The following TRANK1 variants were observed in gnomAD, a reference collection of about 807,000 sequenced individuals.
TRANK1 encodes the protein tetratricopeptide repeat and ankyrin repeat containing 1, also known as TPR and ankyrin repeat-containing protein 1.
In TRANK1, 198 loss-of-function variants were observed where a neutral mutation model predicts 266.0. The observed-to-expected ratio is 0.74, with a 90% confidence interval of 0.66 to 0.84. The LOEUF is 0.84. Ranked by LOEUF, TRANK1 falls within the 40% of genes least tolerant of loss-of-function variation. The pLI, the probability that TRANK1 is intolerant of heterozygous loss-of-function variation, is 0.00. For synonymous variants in TRANK1, 1,396 were observed against 1,384.1 expected, an observed-to-expected ratio of 1.01 and a Z score of -0.19; for missense variants, 3,326 against 3,634.6, an observed-to-expected ratio of 0.92 and a Z score of 2.18.
At chr3:36,864,911 C>G (rs2079192538) in intron 9 of TRANK1, among the ~76,000 whole-genome samples, 1 of 152,096 alleles carries the variant, frequency 6.6e-6, no homozygotes, top group African/African-American at 2.4e-5. Context: ...GACTGCAGAC[C>G]CTTGAGTAAG....
rs762521251 is a variant in TRANK1, at chr3:36,832,074, C to G, written c.7509G>C (p.Val2503=). 5.6e-6 allele frequency: 9 copies of G among 1,613,998 alleles called. No individual in the cohort carries two copies. Among genetic ancestry groups the G allele is most frequent in the Non-Finnish European group, 7.6e-6 (9 of 1,179,888 alleles). The change falls in exon 22 of 24, where the codon GTG becomes GTC. Residue 2503 remains valine (V), a synonymous_variant. Transcript: ENST00000645898. The part of the protein sequence containing the change: ...FSKKDKELGD[V]FSIIQEYKPK... ...GTTTGTATTCCTGAATGATGGAGAACACATCCCCAAGCTCCTTGTCCTTCT... is the reference window on the plus strand; with the variant it reads ...GTTTGTATTCCTGAATGATGGAGAAGACATCCCCAAGCTCCTTGTCCTTCT...
chr3:36,859,863 A>G (rs1166884170), intron 11 of TRANK1, among the ~76,000 whole-genome samples: 1 of 152,152 alleles, frequency 6.6e-6, no homozygotes, highest in African/African-American at 2.4e-5. Context: ...AAAATAAATT[A>G]TAGAAGCCAC....
At chr3:36,843,523 C>T (rs2078876390) in intron 17 of TRANK1, among the ~76,000 whole-genome samples, 1 of 152,154 alleles carries the variant, frequency 6.6e-6, no homozygotes, top group South Asian at 2.1e-4. Context: ...CACCTGCTGT[C>T]CATCCCTTCT....
At chr3:36,895,599 A>G (rs2079777556) in intron 5 of TRANK1, 41 bp downstream of exon 5, 1 of 1,253,618 alleles carries the variant, frequency 8.0e-7, no homozygotes, top group East Asian at 2.6e-5. Flanking sequence ...CATTTCATCA[A>G]GAATGTACTC....
In TRANK1 at chr3:36,856,577, C is replaced by T. The variant is rs753954739; in HGVS notation, c.3145G>A (p.Glu1049Lys). 3 of 1,614,016 alleles carry T rather than the reference C, an allele frequency of 1.9e-6. No individual in the cohort carries two copies. In the South Asian group the frequency reaches 3.3e-5, roughly 18 times the overall value. The change falls in exon 13 of 24, where the codon GAG (glutamate) becomes AAG (lysine). Residue 1049 changes from glutamate (E) to lysine (K), a missense_variant. Physicochemically the swap from Glu to Lys is moderately conservative, Grantham distance 56 (BLOSUM62 1). Transcript: ENST00000645898. Reference sequence around the variant, plus strand: ...AGCTCACCCACCCGGAAGGGGTACTCCACTGTGGCTGTCGTGTCATTGAGG... The same window carrying T: ...AGCTCACCCACCCGGAAGGGGTACTTCACTGTGGCTGTCGTGTCATTGAGG... ...NILNDTTATV[E>K]YPFRVGELEY...
intron 1 of TRANK1, among the ~76,000 whole-genome samples, chr3:36,922,584 G>A (rs986967301): frequency 6.6e-6 from 1 of 151,916 alleles, no homozygotes; most frequent in Non-Finnish European, 1.5e-5. Flanking sequence ...TAGCCTGGGT[G>A]AAAAAGTGAA....
chr3:36,833,330 G>A lies in TRANK1; in HGVS notation c.6253C>T (p.Pro2085Ser), dbSNP rs748801422. ...AEPEKILGLA[P>S]GGLEILLSLV... ...CTGAGGAGGATTTCCAAGCCCCCTG[G>A]AGCCAGGCCCAGAATCTTCTCAGGC... Residue 2085 changes from proline to serine, a missense_variant, in exon 22 of 24, where the codon CCA becomes TCA. Pro to Ser is a moderately conservative substitution (Grantham distance 74, BLOSUM62 -1). Transcript: ENST00000645898. 15 of 1,613,910 alleles carry A rather than the reference G, an allele frequency of 9.3e-6. No individual in the cohort carries two copies. In the South Asian group the frequency reaches 1.5e-4, roughly 17 times the overall value.
At position 36,832,376 on chromosome 3, in the gene TRANK1, G is replaced by C. The variant is rs1196461124; in HGVS notation, c.7207C>G (p.His2403Asp). The C allele has an allele frequency of 3.1e-6, 5 of 1,613,980 alleles. No homozygotes were observed. Among genetic ancestry groups the C allele is most frequent in the Non-Finnish European group, 4.2e-6 (5 of 1,179,886 alleles). The change falls in exon 22 of 24, where the codon CAC becomes GAC. Residue 2403 changes from histidine (H) to aspartate (D), a missense_variant. Coordinates refer to ENST00000645898, the MANE Select transcript of TRANK1 (RefSeq NM_001329998.2). ...NRDDENMDKT[H>D]LCFIRLLENC... is the part of the protein sequence containing the mutation. ...TCCAGAAGCCGGATGAAGCACAGGT[G>C]GGTCTTGTCCATATTTTCATCATCC... is the stretch of plus-strand genomic sequence containing the variant.
intron 7 of TRANK1, among the ~76,000 whole-genome samples, chr3:36,890,581 G>C (rs976192751): frequency 1.6e-4 from 25 of 152,198 alleles, no homozygotes; most frequent in Admixed American, 6.5e-5. Context: ...GACAACAGGT[G>C]GGGGTGAGGG....
intron 11 of TRANK1, among the ~76,000 whole-genome samples, chr3:36,859,456 G>A (rs1032477211): frequency 1.3e-5 from 2 of 151,788 alleles, no homozygotes; most frequent in African/African-American, 2.4e-5. Flanking sequence ...TGTGTGACGT[G>A]CCCTCCCTTT....
At chr3:36,940,635 G>A (rs1203045864) in intron 1 of TRANK1, among the ~76,000 whole-genome samples, 1 of 152,112 alleles carries the variant, frequency 6.6e-6, no homozygotes, top group Non-Finnish European at 1.5e-5. Flanking sequence ...CTTCTTCTGG[G>A]AAGGATTCAG....
chr3:36,921,015 A>G (rs2080205934), intron 1 of TRANK1, among the ~76,000 whole-genome samples: 1 of 152,124 alleles, frequency 6.6e-6, no homozygotes, highest in African/African-American at 2.4e-5. Context: ...ACCAGTTTTA[A>G]TCAGTAGTTC....
intron 1 of TRANK1, among the ~76,000 whole-genome samples, chr3:36,941,202 G>T (rs1469965048): frequency 6.6e-6 from 1 of 152,156 alleles, no homozygotes; most frequent in African/African-American, 2.4e-5. Context: ...TGATTTTTCG[G>T]ACTGGGAATA....
rs1028195605 is a variant in TRANK1, at chr3:36,889,847, G to C, written c.889C>G (p.Pro297Ala). 6.5e-7 allele frequency: 1 copy of C among 1,536,890 alleles called. No homozygotes were observed. The highest frequency in any genetic ancestry group is 1.4e-5 in the African/African-American group (1 of 73,012). The part of the protein sequence containing the change: ...TVLHVVAAHS[P>A]GYLVKRQTED... ...TACTCACGCTTAACGAGGTATCCTG[G>C]GGAGTGGGCAGCGACGACGTGCAGG... is the stretch of plus-strand genomic sequence containing the variant. Residue 297 changes from proline (P) to alanine (A), a missense_variant, in exon 8 of 24, where the codon CCA becomes GCA. Pro to Ala is a conservative substitution (Grantham distance 27, BLOSUM62 -1). Transcript: ENST00000645898.
At chr3:36,866,064 G>GA (rs1191860525) in intron 9 of TRANK1, among the ~76,000 whole-genome samples, 1 of 133,320 alleles carries the variant, frequency 7.5e-6, no homozygotes, top group Non-Finnish European at 1.5e-5. Flanking sequence ...AAGAAAGAAA[G>GA]AAAGAAAGAA....
At chr3:36,892,368 T>C in intron 6 of TRANK1, 28 bp from the exon 7 acceptor site, 2 of 1,536,458 alleles carry the variant, frequency 1.3e-6, no homozygotes, top group Non-Finnish European at 1.7e-6. Flanking sequence ...ACAGGACAAA[T>C]TATGGAAGTC....
chr3:36,926,416 A>G (rs560979159), intron 1 of TRANK1, among the ~76,000 whole-genome samples: 5 of 152,200 alleles, frequency 3.3e-5, no homozygotes, highest in Admixed American at 1.3e-4. Flanking sequence ...GTTAAGCCCA[A>G]TACTCTGGAT....
chr3:36,899,315 G>A, intron 3 of TRANK1, 56 bp from the exon 4 acceptor site: 1 of 1,493,482 alleles, frequency 6.7e-7, no homozygotes, highest in African/African-American at 1.4e-5. Context: ...TAACCTGCTG[G>A]TGAAAGAAAA....
At chr3:36,879,974 G>A (rs186729805) in intron 8 of TRANK1, among the ~76,000 whole-genome samples, 142 of 9,438 alleles carry the variant, frequency 0.015, 51 homozygotes, top group Non-Finnish European at 0.018. Context: ...GCAAATATAT[G>A]TAAACATGCA....
Sources: allele counts gnomAD v4.1 joint callset (sites outside exome capture counted in the v4.1 genomes callset), GRCh38; gene constraint gnomAD v4.1.1; transcripts MANE v1.5; gene names NCBI Gene and HGNC (gene_info 2026-07-23, HGNC 2026-07-21).